The following ATP10B variants were observed in gnomAD, a reference collection of about 807,000 sequenced individuals.
The protein encoded by ATP10B is ATPase phospholipid transporting 10B (putative), also known as phospholipid-transporting ATPase VB.
A neutral mutation model predicts 141.2 loss-of-function variants in ATP10B; 122 were observed. The observed-to-expected ratio is 0.86, with a 90% confidence interval of 0.75 to 1.00. ATP10B has a LOEUF of 1.00. Among genes scored for constraint, ATP10B ranks in the 50% least tolerant of loss-of-function variants. The pLI is 0.00. For missense variants in ATP10B, 1,876 were observed against 1,825.3 expected (o/e 1.03, Z -0.51); for synonymous variants, 685 against 692.0 (o/e 0.99, Z 0.16).
the ATP10B span, among the ~76,000 whole-genome samples, chr5:160,870,271 C>G: frequency 2.0e-5 from 3 of 152,220 alleles, no homozygotes; most frequent in Non-Finnish European, 4.4e-5. Context: ...AGTGTTTCTC[C>G]TCTTCCCATA....
chr5:160,727,258 A>G (rs573032407), intron 2 of ATP10B, among the ~76,000 whole-genome samples: 1 of 152,214 alleles, frequency 6.6e-6, no homozygotes, highest in Non-Finnish European at 1.5e-5. Flanking sequence ...AAACACCACA[A>G]GGGATAGGCA....
chr5:160,873,101 G>T, the ATP10B span, among the ~76,000 whole-genome samples: 1 of 128,910 alleles, frequency 7.8e-6, no homozygotes, highest in Non-Finnish European at 1.6e-5. Flanking sequence ...CTTTGGTTAG[G>T]TATATTCCTA....
chr5:160,600,300 G>A lies in ATP10B; in HGVS notation c.3364-1330C>T, dbSNP rs1271088352. Reference sequence around the variant, plus strand: ...TGCCCAAATTCAGAGCTAGAGAGTGGTACAATCAGCATCTGAATTTTCAAA... The same window carrying A: ...TGCCCAAATTCAGAGCTAGAGAGTGATACAATCAGCATCTGAATTTTCAAA... On this transcript the variant is annotated intron_variant, in intron 21 of 25. Coordinates refer to ENST00000327245, the MANE Select transcript of ATP10B (RefSeq NM_025153.3). 3.3e-5 allele frequency among the ~76,000 whole-genome samples: 5 copies of A among 152,250 alleles called. No individual in the cohort carries two copies. The East Asian group carries it at 9.6e-4, about 29-fold the overall frequency.
intron 16 of ATP10B, among the ~76,000 whole-genome samples, chr5:160,616,499 C>T (rs571322344): frequency 1.4e-4 from 21 of 152,224 alleles, no homozygotes; most frequent in East Asian, 9.7e-4. Context: ...GAATGAAAGA[C>T]GGAGAAAGTT....
intron 2 of ATP10B, among the ~76,000 whole-genome samples, chr5:160,723,559 C>T (rs1766119897): frequency 6.6e-6 from 1 of 152,150 alleles, no homozygotes; most frequent in East Asian, 1.9e-4. Context: ...AATTTGTCCC[C>T]AAATGGCCAT....
chr5:160,746,914 G>A (rs2127815678), intron 2 of ATP10B, among the ~76,000 whole-genome samples: 1 of 152,274 alleles, frequency 6.6e-6, no homozygotes, highest in South Asian at 2.1e-4. Context: ...TTGAACCAAT[G>A]GCTTTATAGC....
the ATP10B span, among the ~76,000 whole-genome samples, chr5:160,883,407 G>A: frequency 6.6e-6 from 1 of 152,268 alleles, no homozygotes; most frequent in South Asian, 2.1e-4. Context: ...AATGGTTTCA[G>A]GGTAGAATAT....
chr5:160,658,239 T>G (rs1761642681), intron 7 of ATP10B, among the ~76,000 whole-genome samples: 1 of 152,106 alleles, frequency 6.6e-6, no homozygotes, highest in African/African-American at 2.4e-5. Flanking sequence ...CTATAATAGT[T>G]GAGAGTGGCA....
intron 3 of ATP10B, among the ~76,000 whole-genome samples, chr5:160,694,106 C>G (rs115999440): frequency 1.3e-5 from 2 of 152,120 alleles, no homozygotes; most frequent in Non-Finnish European, 2.9e-5. Flanking sequence ...TCATTCTGGC[C>G]GAAGCACATA....
intron 6 of ATP10B, among the ~76,000 whole-genome samples, chr5:160,681,361 T>C (rs1287797617): frequency 6.6e-6 from 1 of 152,260 alleles, no homozygotes; most frequent in Admixed American, 6.5e-5. Flanking sequence ...TCTATATGTT[T>C]AAATGACTTT....
intron 2 of ATP10B, among the ~76,000 whole-genome samples, chr5:160,770,611 G>T (rs549082595): frequency 6.6e-6 from 1 of 152,258 alleles, no homozygotes; most frequent in South Asian, 2.1e-4. Context: ...ATTTCCCAGT[G>T]CAAGGTATTT....
rs542782031 is a variant in ATP10B, at chr5:160,642,916, A to G, written c.868+1222T>C. ...TAACACTCCATATCTGCCACCTTAT[A>G]TACCACTCCCATCACCTACTCAAGG... On this transcript the variant is annotated intron_variant, in intron 9 of 25. Coordinates refer to ENST00000327245, the MANE Select transcript of ATP10B (RefSeq NM_025153.3). Among the ~76,000 whole-genome samples, 171 of 152,310 alleles carry G rather than the reference A, an allele frequency of 1.1e-3. 1 individual carries two copies. Among genetic ancestry groups the G allele is most frequent in the African/African-American group, 4.0e-3 (168 of 41,568 alleles).
intron 18 of ATP10B, among the ~76,000 whole-genome samples, chr5:160,610,725 A>G (rs1483338106): frequency 3.3e-5 from 5 of 152,216 alleles, no homozygotes; most frequent in Admixed American, 2.0e-4. Context: ...TAAAACTTCA[A>G]TATAGGTTGT....
chr5:160,590,960 T>TGG (rs1360068801), intron 23 of ATP10B, 99 bp downstream of exon 23: 14 of 1,024,918 alleles, frequency 1.4e-5, no homozygotes, highest in Non-Finnish European at 2.1e-5. Flanking sequence ...GCCTCTGCTC[T>TGG]AAAGTGTCCA....
At chr5:160,597,184 T>C (rs886983687) in intron 22 of ATP10B, among the ~76,000 whole-genome samples, 3 of 152,222 alleles carry the variant, frequency 2.0e-5, no homozygotes, top group African/African-American at 7.2e-5. Flanking sequence ...ATGGTACTGG[T>C]ACCAAAACAG....
chr5:160,821,815 G>C (rs960547591), intron 1 of ATP10B, among the ~76,000 whole-genome samples: 1 of 152,044 alleles, frequency 6.6e-6, no homozygotes, highest in Non-Finnish European at 1.5e-5. Flanking sequence ...ATATGCAAAA[G>C]AATGAAACTA....
intron 22 of ATP10B, among the ~76,000 whole-genome samples, chr5:160,593,176 G>A (rs938621497): frequency 5.9e-5 from 9 of 152,208 alleles, no homozygotes; most frequent in African/African-American, 1.7e-4. Context: ...CTCAGTAGGC[G>A]CAGACTGACA....
intron 6 of ATP10B, among the ~76,000 whole-genome samples, chr5:160,677,719 A>C (rs1436869689): frequency 6.6e-6 from 1 of 152,216 alleles, no homozygotes; most frequent in African/African-American, 2.4e-5. Flanking sequence ...AGCATTTTAC[A>C]TGCAGTAACT....
At chr5:160,898,568 AT>A in the ATP10B span, among the ~76,000 whole-genome samples, 2 of 152,228 alleles carry the variant, frequency 1.3e-5, no homozygotes, top group Non-Finnish European at 2.9e-5. Context: ...TAGTTTGACC[AT>A]TGTGGAAGAC....
Sources: gnomAD v4.1 joint callset for allele counts (sites outside exome capture counted in the v4.1 genomes callset) on GRCh38, gnomAD v4.1.1 for gene constraint, MANE v1.5 for transcripts, NCBI Gene and HGNC (gene_info 2026-07-23, HGNC 2026-07-21) for gene names.